Variants in NCOR2 observed in about 807,000 individuals in gnomAD.
The protein encoded by NCOR2 is CTG repeat protein 26.
In NCOR2, 81 loss-of-function variants were observed where a neutral mutation model predicts 262.9. That is an observed-to-expected ratio of 0.31 (90% CI 0.26 to 0.37). The LOEUF is 0.37. Among genes scored for constraint, NCOR2 ranks in the 10% least tolerant of loss-of-function variants. The pLI is 1.00. For missense variants in NCOR2, 3,385 were observed against 3,621.4 expected, an observed-to-expected ratio of 0.93 and a Z score of 1.68; for synonymous variants, 1,659 against 1,559.3, an observed-to-expected ratio of 1.06 and a Z score of -1.51.
rs572601689 is a variant in NCOR2 at position 124,439,569 on chromosome 12, A to G, written c.816-1573T>C. 2.7e-3 allele frequency among the ~76,000 whole-genome samples: 408 copies of G among 152,064 alleles called. 4 individuals are homozygous for G. The highest frequency in any genetic ancestry group is 5.1e-3 in the Non-Finnish European group (347 of 67,966). ...GAAACAGGGACCCAGAGAGAGGGAG[A>G]CAGACAGGGAGACAGAGGTGAGAAA... On this transcript the variant is annotated intron_variant, in intron 7 of 46. Transcript: ENST00000405201.
At chr12:124,522,940 G>A (rs987311352) in intron 1 of NCOR2, among the ~76,000 whole-genome samples, 1 of 152,184 alleles carries the variant, frequency 6.6e-6, no homozygotes, top group Non-Finnish European at 1.5e-5. Context: ...AGGCATCCAT[G>A]AGCCAGCCAC....
intron 3 of NCOR2, among the ~76,000 whole-genome samples, chr12:124,477,560 C>T (rs2047171726): frequency 6.6e-6 from 1 of 152,204 alleles, no homozygotes; most frequent in African/African-American, 2.4e-5. Context: ...GTGACAGCTG[C>T]ACAACATTGT....
At chr12:124,487,746 C>T (rs935777589) in intron 1 of NCOR2, among the ~76,000 whole-genome samples, 4 of 152,178 alleles carry the variant, frequency 2.6e-5, no homozygotes, top group Non-Finnish European at 5.9e-5. Flanking sequence ...TCCTGCTTAA[C>T]AAGAGTCCAA....
intron 13 of NCOR2, among the ~76,000 whole-genome samples, chr12:124,408,762 A>C (rs1404306767): frequency 6.6e-6 from 1 of 152,144 alleles, no homozygotes; most frequent in Non-Finnish European, 1.5e-5. Flanking sequence ...AAAAATAATA[A>C]ATTTTTTTTA....
At chr12:124,516,259 G>C (rs1302153592) in intron 1 of NCOR2, among the ~76,000 whole-genome samples, 1 of 152,212 alleles carries the variant, frequency 6.6e-6, no homozygotes, top group Non-Finnish European at 1.5e-5. Flanking sequence ...GCCACCTTCT[G>C]CAGGAGAACT....
chr12:124,393,212 C>T (rs2041430812), intron 16 of NCOR2, among the ~76,000 whole-genome samples: 1 of 152,202 alleles, frequency 6.6e-6, no homozygotes, highest in African/African-American at 2.4e-5. Context: ...AGTCCCTCAT[C>T]CCAGCCCTGC....
At chr12:124,416,387 A>G (rs541383866) in intron 13 of NCOR2, among the ~76,000 whole-genome samples, 2 of 152,196 alleles carry the variant, frequency 1.3e-5, no homozygotes, top group Non-Finnish European at 2.9e-5. Context: ...GCTGTCTCTC[A>G]TGCTCCCTGC....
Position 124,482,185 on chromosome 12 carries a change from G to A in NCOR2, c.411+1411C>T, listed in dbSNP as rs1233421926. ...CTTTCCTGTGACAACTTGGTGAGGC[G>A]GGGACTGCCCCAGTGGCAGGGAGGC... is the stretch of plus-strand genomic sequence containing the variant. On this transcript the variant is annotated intron_variant, in intron 3 of 46. Transcript: ENST00000405201. The surrounding 1 kb of genome is among the most constrained non-coding windows in gnomAD (Gnocchi z 6.3). 2.0e-5 allele frequency among the ~76,000 whole-genome samples: 3 copies of A among 152,100 alleles called. No homozygotes were observed. Among genetic ancestry groups the A allele is most frequent in the East Asian group, 1.9e-4 (1 of 5,186 alleles).
chr12:124,490,106 G>A (rs909547410), intron 1 of NCOR2, among the ~76,000 whole-genome samples: 1 of 152,104 alleles, frequency 6.6e-6, no homozygotes, highest in African/African-American at 2.4e-5. Flanking sequence ...TCCCACCTCA[G>A]GACCTTTGCA....
intron 1 of NCOR2, among the ~76,000 whole-genome samples, chr12:124,567,017 T>A (rs2052265397): frequency 6.6e-6 from 1 of 151,852 alleles, no homozygotes; most frequent in Non-Finnish European, 1.5e-5. Context: ...GGGGGGCCGC[T>A]CTGTGCATTT....
In NCOR2 at chr12:124,389,567, T is replaced by TC. The variant is rs1325675837; in HGVS notation, c.1877-3681dup. 6.7e-6 allele frequency among the ~76,000 whole-genome samples: 1 copy of TC among 149,570 alleles called. No individual in the cohort carries two copies. The highest frequency in any genetic ancestry group is 1.5e-5 in the Non-Finnish European group (1 of 67,320). On this transcript the variant is annotated intron_variant, in intron 16 of 46. Transcript: ENST00000405201. The surrounding 1 kb of genome is among the most constrained non-coding windows in gnomAD (Gnocchi z 4.4). Reference sequence around the variant, plus strand: ...TTCCGCCATCATCCCCCGCCGCCCGTCCCCCCACCCTCCGTGTCAGTTCCA... The same window carrying TC: ...TTCCGCCATCATCCCCCGCCGCCCGTCCCCCCCACCCTCCGTGTCAGTTCCA...
In NCOR2 at chr12:124,495,027, C is replaced by T. The variant is rs1565995853; in HGVS notation, c.105+120G>A. On this transcript the variant is annotated intron_variant, in intron 1 of 46. Transcript: ENST00000405201. The surrounding 1 kb of genome is among the most constrained non-coding windows in gnomAD (Gnocchi z 4.4). ...GTCTCTGTGGCGGCCTCCCCTCTGC[C>T]CTGGGAGGCTCAGAGCCACATGAGC... The T allele has an allele frequency of 1.2e-5, 15 of 1,299,106 alleles. No homozygotes were observed. In the South Asian group the frequency reaches 1.6e-4, roughly 14 times the overall value. The allele number at this position is 1,299,106 out of a possible 1,614,324, so 80.5% of individuals were successfully genotyped here.
intron 17 of NCOR2, among the ~76,000 whole-genome samples, chr12:124,384,917 T>G (rs2040684074): frequency 6.6e-6 from 1 of 151,992 alleles, no homozygotes; most frequent in Admixed American, 6.5e-5. Flanking sequence ...GCGTGGGTGC[T>G]GATCTCATAA....
chr12:124,344,058 C>G lies in NCOR2; in HGVS notation c.4714+539G>C, dbSNP rs368208306. Reference sequence around the variant, plus strand: ...GGAAAGAAACCCACTAAGTAAAGATCTGGAAGGCGGGGACATGGCAGGCAG... The same window carrying G: ...GGAAAGAAACCCACTAAGTAAAGATGTGGAAGGCGGGGACATGGCAGGCAG... On this transcript the variant is annotated intron_variant, in intron 32 of 46. Transcript: ENST00000405201. 7.9e-4 allele frequency among the ~76,000 whole-genome samples: 121 copies of G among 152,296 alleles called. 3 individuals are homozygous for G. The South Asian group carries it at 0.015, about 19-fold the overall frequency.
intron 4 of NCOR2, among the ~76,000 whole-genome samples, chr12:124,470,215 A>G (rs913013942): frequency 6.6e-6 from 1 of 152,034 alleles, no homozygotes; most frequent in Non-Finnish European, 1.5e-5. Context: ...GATGTGGAAA[A>G]CCAGGAAACC....
At chr12:124,400,099 A>T (rs933005454) in intron 15 of NCOR2, among the ~76,000 whole-genome samples, 2 of 152,068 alleles carry the variant, frequency 1.3e-5, no homozygotes, top group African/African-American at 4.8e-5. Flanking sequence ...CTGTTTTAAA[A>T]ACGACAACCA....
At chr12:124,560,902 C>T (rs1235596689) in intron 1 of NCOR2, among the ~76,000 whole-genome samples, 1 of 152,070 alleles carries the variant, frequency 6.6e-6, no homozygotes, top group African/African-American at 2.4e-5. Flanking sequence ...CTACATTCTC[C>T]CCAAGAAGTA....
intron 1 of NCOR2, among the ~76,000 whole-genome samples, chr12:124,547,836 T>A (rs1249574272): frequency 6.6e-6 from 1 of 152,236 alleles, no homozygotes; most frequent in Non-Finnish European, 1.5e-5. Context: ...GTAGCATGCA[T>A]CCGTACTTCA....
At chr12:124,561,421 A>C (rs1213773503) in intron 1 of NCOR2, among the ~76,000 whole-genome samples, 2 of 151,826 alleles carry the variant, frequency 1.3e-5, no homozygotes, top group Non-Finnish European at 2.9e-5. Flanking sequence ...ATGGAAGGAG[A>C]CTCCCCCAAC....
Sources: allele counts gnomAD v4.1 joint callset (sites outside exome capture counted in the v4.1 genomes callset), GRCh38; gene constraint gnomAD v4.1.1; non-coding constraint Gnocchi (gnomAD v3.1); transcripts MANE v1.5; gene names NCBI Gene and HGNC (gene_info 2026-07-23, HGNC 2026-07-21).